The following PRKCB variants were observed in gnomAD, a reference collection of about 807,000 sequenced individuals.
PRKCB encodes protein kinase C beta type.
PRKCB carries 13 observed loss-of-function variants against 81.5 expected under a neutral mutation model. The observed-to-expected ratio is 0.16, with a 90% CI of 0.10 to 0.25. The LOEUF is 0.25. Ranked by LOEUF, PRKCB falls within the 10% of genes least tolerant of loss-of-function variation. PRKCB has a pLI of 1.00. For missense variants in PRKCB, 509 were observed against 875.7 expected, an observed-to-expected ratio of 0.58 and a Z score of 5.29; for synonymous variants, 335 against 321.4, an observed-to-expected ratio of 1.04 and a Z score of -0.45.
At chr16:24,005,522 G>A (rs528513882) in intron 3 of PRKCB, among the ~76,000 whole-genome samples, 3 of 152,304 alleles carry the variant, frequency 2.0e-5, no homozygotes, top group South Asian at 2.1e-4. Flanking sequence ...CGGTTCCGGC[G>A]TAATCGGGAG....
At chr16:24,011,153 C>A (rs1408008595) in intron 3 of PRKCB, among the ~76,000 whole-genome samples, 1 of 152,084 alleles carries the variant, frequency 6.6e-6, no homozygotes, top group Non-Finnish European at 1.5e-5. Context: ...CAGGCATAAG[C>A]CACCATGCCC....
intron 2 of PRKCB, among the ~76,000 whole-genome samples, chr16:23,951,235 T>C (rs1964277911): frequency 6.6e-6 from 1 of 152,220 alleles, no homozygotes; most frequent in Admixed American, 6.5e-5. Context: ...CGTTCTTCCA[T>C]CATTCTTTCA....
intron 12 of PRKCB, 35 bp downstream of exon 12, chr16:24,174,615 T>C (rs1596582520): frequency 6.4e-7 from 1 of 1,565,540 alleles, no homozygotes; most frequent in African/African-American, 1.4e-5. Flanking sequence ...CATCTCTTCA[T>C]CTCCCTCAGC....
intron 2 of PRKCB, among the ~76,000 whole-genome samples, chr16:23,964,386 T>C (rs1017537162): frequency 1.3e-5 from 2 of 152,236 alleles, no homozygotes; most frequent in Admixed American, 6.5e-5. Context: ...GCCTTTGCGC[T>C]ACAAGGATGG....
rs80026825 is a variant in PRKCB, at chr16:24,140,325, G to A, written c.1066-14359G>A. On this transcript the variant is annotated intron_variant, in intron 9 of 16. Transcript: ENST00000643927. Reference sequence around the variant, plus strand: ...GGAGAGCCTCAAAAGTGAAGAATTCGCCAACAACCATGGTGAATGCAGTGT... The same window carrying A: ...GGAGAGCCTCAAAAGTGAAGAATTCACCAACAACCATGGTGAATGCAGTGT... 3.4e-3 allele frequency among the ~76,000 whole-genome samples: 516 copies of A among 152,266 alleles called. 18 individuals carry two copies. The East Asian group carries it at 0.081, about 24-fold the overall frequency.
At chr16:24,188,112 C>T (rs1042156637) in intron 15 of PRKCB, among the ~76,000 whole-genome samples, 1 of 152,208 alleles carries the variant, frequency 6.6e-6, no homozygotes, top group Non-Finnish European at 1.5e-5. Context: ...CCTTCAGCTC[C>T]TGCTCCAATT....
rs79401250 is a variant in PRKCB at position 23,860,136 on chromosome 16, T to G, written c.205+22730T>G. 0.014 allele frequency among the ~76,000 whole-genome samples: 2,180 copies of G among 152,040 alleles called. 167 individuals carry two copies. In the East Asian group the frequency reaches 0.22, roughly 16 times the overall value. On this transcript the variant is annotated intron_variant, in intron 2 of 16. Transcript: ENST00000643927. ...ATTTCTTATCCTTAGCTTCTTCATT[T>G]TGAAAAAGGGGTGAATGATAATAGG...
intron 10 of PRKCB, among the ~76,000 whole-genome samples, chr16:24,161,943 T>C (rs1274157455): frequency 2.6e-5 from 4 of 152,286 alleles, no homozygotes. Flanking sequence ...TCATGCAATT[T>C]CCCAACTGCC....
chr16:24,070,658 C>CTGT (rs1966096209), intron 5 of PRKCB, among the ~76,000 whole-genome samples: 1 of 152,112 alleles, frequency 6.6e-6, no homozygotes, highest in South Asian at 2.1e-4. Context: ...TGAGGGAACA[C>CTGT]TGTTGCTATT....
chr16:23,897,403 G>A (rs1434505506), intron 2 of PRKCB, among the ~76,000 whole-genome samples: 1 of 152,166 alleles, frequency 6.6e-6, no homozygotes, highest in Non-Finnish European at 1.5e-5. Context: ...GCTGATGTGT[G>A]AAAAAATTAT....
intron 2 of PRKCB, among the ~76,000 whole-genome samples, chr16:23,973,684 T>A (rs77198193): frequency 1.3e-3 from 194 of 151,240 alleles, no homozygotes; most frequent in East Asian, 2.2e-3. Flanking sequence ...AATAATATAT[T>A]TTTTTTCTTT....
intron 2 of PRKCB, among the ~76,000 whole-genome samples, chr16:23,951,013 C>T (rs1356253419): frequency 6.6e-6 from 1 of 152,158 alleles, no homozygotes; most frequent in Non-Finnish European, 1.5e-5. Context: ...TGCCGGCAGT[C>T]ATCTCCAGTA....
chr16:23,858,480 A>G (rs1962609597), intron 2 of PRKCB, among the ~76,000 whole-genome samples: 1 of 152,230 alleles, frequency 6.6e-6, no homozygotes, highest in South Asian at 2.1e-4. Flanking sequence ...GCAATGAATG[A>G]AACTGGCAAC....
intron 2 of PRKCB, among the ~76,000 whole-genome samples, chr16:23,910,320 C>T (rs910271129): frequency 6.6e-6 from 1 of 152,142 alleles, no homozygotes; most frequent in Non-Finnish European, 1.5e-5. Flanking sequence ...GCCTGGTGTG[C>T]ACTGGTGAGA....
intron 5 of PRKCB, among the ~76,000 whole-genome samples, chr16:24,060,453 C>T (rs897652372): frequency 3.9e-5 from 6 of 152,200 alleles, no homozygotes; most frequent in African/African-American, 7.2e-5. Context: ...CTTCCCTAAG[C>T]GCTGAACTTC....
intron 3 of PRKCB, among the ~76,000 whole-genome samples, chr16:24,017,896 T>TC (rs1362478149): frequency 7.0e-6 from 1 of 143,126 alleles, no homozygotes; most frequent in Non-Finnish European, 1.5e-5. Flanking sequence ...TAACTAATTT[T>TC]TTTTTTTTTT....
At chr16:24,193,306 G>A (rs1322569155) in intron 16 of PRKCB, among the ~76,000 whole-genome samples, 10 of 151,938 alleles carry the variant, frequency 6.6e-5, no homozygotes, top group Admixed American at 2.0e-4. Context: ...ATAGCTAGGT[G>A]TGATGGTGGG....
chr16:23,893,441 A>G (rs1478543044), intron 2 of PRKCB: 1 of 152,208 alleles, frequency 6.6e-6, no homozygotes, highest in Admixed American at 6.5e-5. Context: ...ATTACCCCTT[A>G]TCTGATTCCT....
chr16:23,851,719 G>A (rs11861775), intron 2 of PRKCB, among the ~76,000 whole-genome samples: 70,883 of 151,946 alleles, frequency 0.47, 17,680 homozygotes, highest in East Asian at 0.61. Context: ...CCATGAACAC[G>A]GAATATCTTT....
Sources: gnomAD v4.1 joint callset for allele counts (sites outside exome capture counted in the v4.1 genomes callset) on GRCh38, gnomAD v4.1.1 for gene constraint, MANE v1.5 for transcripts, NCBI Gene and HGNC (gene_info 2026-07-23, HGNC 2026-07-21) for gene names.